The following GABRG2 variants were observed in gnomAD, a reference collection of about 807,000 sequenced individuals.
GABRG2 encodes the protein gamma-aminobutyric acid type A receptor subunit gamma2, also known as gamma-aminobutyric acid receptor subunit gamma-2.
Under a neutral mutation model 56.4 loss-of-function variants are expected in GABRG2, and 16 were observed. The ratio of observed to expected loss-of-function variants is 0.28; its 90% CI spans 0.19 to 0.43. GABRG2 has a LOEUF of 0.43. Among genes scored for constraint, GABRG2 ranks in the 20% least tolerant of loss-of-function variants. The pLI is 1.00. For missense variants in GABRG2, 327 were observed against 582.7 expected, an observed-to-expected ratio of 0.56 and a Z score of 4.52; for synonymous variants, 208 against 205.5, an observed-to-expected ratio of 1.01 and a Z score of -0.10.
At chr5:162,086,291 A>G (rs902522170) in intron 1 of GABRG2, among the ~76,000 whole-genome samples, 14 of 152,036 alleles carry the variant, frequency 9.2e-5, no homozygotes, top group African/African-American at 3.4e-4. Flanking sequence ...TCATACTCAT[A>G]TTTTGAAAAC....
chr5:162,109,515 A>T (rs773522454), intron 6 of GABRG2, among the ~76,000 whole-genome samples: 2 of 150,536 alleles, frequency 1.3e-5, no homozygotes, highest in African/African-American at 2.4e-5. Context: ...TCCACTACAT[A>T]AGCTTCACAA....
At position 162,093,925 on chromosome 5, in the gene GABRG2, A is replaced by G. The variant is rs1468305372; in HGVS notation, c.205A>G (p.Ile69Val). 2.5e-6 allele frequency: 4 copies of G among 1,613,386 alleles called. No individual in the cohort carries two copies. In the South Asian group the frequency reaches 3.3e-5, roughly 13 times the overall value. ...AGTTCCTGAGGGTGATGTCACTGTC[A>G]TCTTAAACAACCTGCTGGAAGGATA... Reference protein sequence around the residue: ...PKVPEGDVTVILNNLLEGYDN... With the variant: ...PKVPEGDVTVVLNNLLEGYDN... The change falls in exon 2 of 10, where the codon ATC (isoleucine) becomes GTC (valine). Residue 69 changes from isoleucine to valine, a missense_variant. Coordinates refer to ENST00000639213, the MANE Select transcript of GABRG2 (RefSeq NM_198904.4).
intron 1 of GABRG2, 70 bp from the exon 2 acceptor site, chr5:162,093,758 T>C: frequency 7.5e-7 from 1 of 1,340,482 alleles, no homozygotes; most frequent in South Asian, 1.2e-5. Flanking sequence ...TCTTTTCCAC[T>C]GGTGGTCTGT....
intron 6 of GABRG2, among the ~76,000 whole-genome samples, chr5:162,112,927 G>C (rs778241978): frequency 6.6e-6 from 1 of 151,952 alleles, no homozygotes; most frequent in Non-Finnish European, 1.5e-5. Flanking sequence ...TCACTTTTTT[G>C]TTTGCTTTTA....
At chr5:162,102,645 C>T in intron 5 of GABRG2, 1 of 452,926 alleles carries the variant, frequency 2.2e-6, no homozygotes, top group South Asian at 1.6e-5. Context: ...ATCCTCCCAC[C>T]TTGGCCTCCA....
Position 162,093,973 on chromosome 5 carries a change from A to G in GABRG2, c.253A>G (p.Ile85Val). 6.2e-7 allele frequency: 1 copy of G among 1,613,186 alleles called. No individual in the cohort carries two copies. Among genetic ancestry groups the G allele is most frequent in the Non-Finnish European group, 8.5e-7 (1 of 1,179,390 alleles). ...ATATGACAATAAACTTCGGCCTGAT[A>G]TAGGAGGTTTGTTAAAGTCTTTTGC... ...EGYDNKLRPD[I>V]GVKPTLIHTD... The change falls in exon 2 of 10, where the codon ATA becomes GTA. Residue 85 changes from isoleucine (I) to valine (V), a missense_variant. Physicochemically the swap from Ile to Val is conservative, Grantham distance 29 (BLOSUM62 3). Transcript: ENST00000639213.
intron 6 of GABRG2, among the ~76,000 whole-genome samples, chr5:162,120,187 T>C (rs1762890518): frequency 6.6e-6 from 1 of 152,136 alleles, no homozygotes; most frequent in South Asian, 2.1e-4. Context: ...TATACTTGCC[T>C]TTCCCTGTCT....
chr5:162,086,138 G>A (rs780974060), intron 1 of GABRG2, among the ~76,000 whole-genome samples: 1 of 151,974 alleles, frequency 6.6e-6, no homozygotes, highest in East Asian at 1.9e-4. Context: ...CACTTGAAGA[G>A]AGCAATGGCA....
intron 4 of GABRG2, 129 bp downstream of exon 4, chr5:162,097,987 CT>C (rs1313403995): frequency 1.3e-5 from 10 of 782,962 alleles, no homozygotes; most frequent in Non-Finnish European, 1.9e-5. Flanking sequence ...GGTTGGCATG[CT>C]ATCAATTAGT....
At chr5:162,149,762 C>T (rs563683299) in intron 8 of GABRG2, 15 of 410,338 alleles carry the variant, frequency 3.7e-5, no homozygotes, top group Non-Finnish European at 6.2e-5. Context: ...TATAGGCACA[C>T]GCCACCATGC....
At chr5:162,080,417 A>G (rs1283702286) in intron 1 of GABRG2, among the ~76,000 whole-genome samples, 1 of 152,162 alleles carries the variant, frequency 6.6e-6, no homozygotes, top group African/African-American at 2.4e-5. Context: ...CATCATAGGT[A>G]ACAGCAGGTA....
Position 162,101,022 on chromosome 5 carries a change from G to C in GABRG2, c.549-213G>C, listed in dbSNP as rs113467283. 3.8e-3 allele frequency among the ~76,000 whole-genome samples: 583 copies of C among 152,168 alleles called. 7 individuals carry two copies. The highest frequency in any genetic ancestry group is 0.013 in the African/African-American group (550 of 41,532). ...CAATAAATATAGTTGAGGTAAGTGA[G>C]GTGCTATTATTTGGTCTGTGAAAAT... is the stretch of plus-strand genomic sequence containing the variant. On this transcript the variant is annotated intron_variant, in intron 4 of 9. Coordinates refer to ENST00000639213, the MANE Select transcript of GABRG2 (RefSeq NM_198904.4).
intron 6 of GABRG2, among the ~76,000 whole-genome samples, chr5:162,128,092 T>G (rs1229226840): frequency 6.6e-6 from 1 of 152,002 alleles, no homozygotes; most frequent in Non-Finnish European, 1.5e-5. Flanking sequence ...TGCTTTTATT[T>G]CAAATTATTC....
rs1764625658 is a variant in GABRG2 at position 162,142,261 on chromosome 5, A to G, written c.867A>G (p.Leu289=). 1.2e-6 allele frequency: 2 copies of G among 1,614,000 alleles called. No individual in the cohort carries two copies. The highest frequency in any genetic ancestry group is 1.1e-5 in the South Asian group (1 of 91,088). The change falls in exon 7 of 10, where the codon CTA becomes CTG. Residue 289 remains leucine (L), a synonymous_variant. Transcript: ENST00000639213. ...TCCCCTGCACACTCATTGTCGTCCTATCCTGGGTGTCTTTCTGGATCAATA... is the reference window on the plus strand; with the variant it reads ...TCCCCTGCACACTCATTGTCGTCCTGTCCTGGGTGTCTTTCTGGATCAATA... ...TYIPCTLIVV[L]SWVSFWINKD... is the part of the protein sequence containing the mutation.
Position 162,133,772 on chromosome 5 carries a change from G to A in GABRG2, c.770-8392G>A, listed in dbSNP as rs565134171. Among the ~76,000 whole-genome samples, 15 of 152,172 alleles carry A rather than the reference G, an allele frequency of 9.9e-5. No individual in the cohort carries two copies. In the South Asian group the frequency reaches 1.7e-3, roughly 17 times the overall value. ...AAAGAGAATTTTCTAGTAAAGGAAG[G>A]CAGAAAACTGGGATATCAGCAAAGA... is the stretch of plus-strand genomic sequence containing the variant. On this transcript the variant is annotated intron_variant, in intron 6 of 9. Transcript: ENST00000639213.
At chr5:162,114,213 T>C (rs1177640923) in intron 6 of GABRG2, among the ~76,000 whole-genome samples, 1 of 152,156 alleles carries the variant, frequency 6.6e-6, no homozygotes, top group East Asian at 1.9e-4. Context: ...ATGTGGGTAA[T>C]ACAATCTCCA....
In GABRG2 at chr5:162,090,064, AGATT is replaced by A. The variant is rs554338332; in HGVS notation, c.108-3759_108-3756del. On this transcript the variant is annotated intron_variant, in intron 1 of 9. Coordinates refer to ENST00000639213, the MANE Select transcript of GABRG2 (RefSeq NM_198904.4). Reference sequence around the variant, plus strand: ...TAAGCCACTTTTATCCTTCTAAATAAGATTGATTTTTACTTCTAATTACAAGTGT... The same window carrying A: ...TAAGCCACTTTTATCCTTCTAAATAAGATTTTTACTTCTAATTACAAGTGT... Among the ~76,000 whole-genome samples, 41 of 152,268 alleles carry A rather than the reference AGATT, an allele frequency of 2.7e-4. No individual in the cohort carries two copies. The East Asian group carries it at 5.0e-3, about 19-fold the overall frequency.
chr5:162,082,796 A>G (rs1356148200), intron 1 of GABRG2, among the ~76,000 whole-genome samples: 1 of 148,132 alleles, frequency 6.8e-6, no homozygotes, highest in Non-Finnish European at 1.5e-5. Flanking sequence ...GAACAAGAAC[A>G]GTACTAACAA....
chr5:162,104,092 T>G, intron 6 of GABRG2, 66 bp downstream of exon 6: 1 of 1,506,456 alleles, frequency 6.6e-7, no homozygotes, highest in East Asian at 2.3e-5. Flanking sequence ...ATATATGAAT[T>G]AGAAGATTTT....
Sources: gnomAD v4.1 joint callset for allele counts (sites outside exome capture counted in the v4.1 genomes callset) on GRCh38, gnomAD v4.1.1 for gene constraint, MANE v1.5 for transcripts, NCBI Gene and HGNC (gene_info 2026-07-23, HGNC 2026-07-21) for gene names.